Variants in RCAN1 observed in about 807,000 individuals in gnomAD.
RCAN1 encodes the protein calcipressin-1.
In RCAN1, 11 loss-of-function variants were observed where a neutral mutation model predicts 22.9. The observed-to-expected ratio is 0.48, with a 90% confidence interval of 0.30 to 0.79. The LOEUF is 0.79. RCAN1 is among the 30% of genes least tolerant of loss of function. The pLI, the probability that RCAN1 is intolerant of heterozygous loss-of-function variation, is 0.06. For missense variants in RCAN1, 291 were observed against 337.8 expected (o/e 0.86, Z 1.09); for synonymous variants, 136 against 142.3 (o/e 0.96, Z 0.32).
chr21:34,580,544 C>T (rs1167976910), intron 1 of RCAN1, among the ~76,000 whole-genome samples: 1 of 152,228 alleles, frequency 6.6e-6, no homozygotes, highest in African/African-American at 2.4e-5. Context: ...GAATGAGATG[C>T]TGCAACCCGA....
rs1555853490 is a variant in RCAN1 at position 34,519,397 on chromosome 21, C to CTTTCT, written c.587-1142_587-1141insAGAAA. ...CTTTTTTCTTTTTCTTTCTTTCTTT[C>CTTTCT]TTTTTTTTTTTTTTTTTTTTGAGAC... On this transcript the variant is annotated intron_variant, in intron 3 of 3. Transcript: ENST00000313806. Among the ~76,000 whole-genome samples, 241 of 102,784 alleles carry CTTTCT rather than the reference C, an allele frequency of 2.3e-3. 5 individuals carry two copies. Among genetic ancestry groups the CTTTCT allele is most frequent in the Admixed American group, 0.02 (177 of 8,950 alleles). The allele number at this position is 102,784 out of a possible 152,430, so 67.4% of individuals were successfully genotyped here.
intron 1 of RCAN1, among the ~76,000 whole-genome samples, chr21:34,610,907 GT>G (rs1304260043): frequency 2.0e-5 from 3 of 151,628 alleles, no homozygotes; most frequent in African/African-American, 2.4e-5. Context: ...AGTTGTTTTT[GT>G]TTTTTTTAGG....
intron 1 of RCAN1, among the ~76,000 whole-genome samples, chr21:34,586,785 T>C (rs1409588967): frequency 6.6e-6 from 1 of 152,148 alleles, no homozygotes; most frequent in African/African-American, 2.4e-5. Flanking sequence ...AAACCCTGTC[T>C]CTACTAAAAA....
chr21:34,543,756 C>A lies in RCAN1; in HGVS notation c.253-20046G>T, dbSNP rs149579291. Among the ~76,000 whole-genome samples the A allele has an allele frequency of 2.4e-3, 372 of 152,286 alleles. 1 individual carries two copies. Among genetic ancestry groups the A allele is most frequent in the African/African-American group, 8.4e-3 (350 of 41,556 alleles). On this transcript the variant is annotated intron_variant, in intron 1 of 3. Coordinates refer to ENST00000313806, the MANE Select transcript of RCAN1 (RefSeq NM_004414.7). ...GAGGGATGACATTTTCTTTTTAATC[C>A]TAGCATGTGAAGTGGCCAAAGCTCA...
chr21:34,542,365 C>T (rs767531097), intron 1 of RCAN1, among the ~76,000 whole-genome samples: 2 of 152,128 alleles, frequency 1.3e-5, no homozygotes, highest in Non-Finnish European at 2.9e-5. Context: ...CTTGTTCTCT[C>T]GGGGCACTTC....
chr21:34,613,829 CT>C, intron 1 of RCAN1: 2 of 1,482,602 alleles, frequency 1.3e-6, no homozygotes, highest in Non-Finnish European at 9.1e-7. Flanking sequence ...TGGCAGCAGC[CT>C]TCAACTATAG....
At chr21:34,557,174 C>T (rs1384957264) in intron 1 of RCAN1, among the ~76,000 whole-genome samples, 1 of 152,190 alleles carries the variant, frequency 6.6e-6, no homozygotes. Context: ...GATCACGCCA[C>T]TGCACTCCAG....
intron 1 of RCAN1, among the ~76,000 whole-genome samples, chr21:34,556,928 A>T (rs1203024475): frequency 6.6e-6 from 1 of 152,230 alleles, no homozygotes; most frequent in Non-Finnish European, 1.5e-5. Context: ...TAAAAGCTGT[A>T]AAAGGCTGGG....
intron 1 of RCAN1, among the ~76,000 whole-genome samples, chr21:34,569,856 C>T (rs1480274811): frequency 6.6e-6 from 1 of 152,180 alleles, no homozygotes; most frequent in Non-Finnish European, 1.5e-5. Flanking sequence ...AGACTTTGCC[C>T]AGGGACACTG....
chr21:34,593,246 C>G (rs558569543), intron 1 of RCAN1, among the ~76,000 whole-genome samples: 1 of 152,172 alleles, frequency 6.6e-6, no homozygotes, highest in Non-Finnish European at 1.5e-5. Context: ...TACTTTTCAT[C>G]AAAAATGTTC....
chr21:34,578,282 A>G (rs1388437347), intron 1 of RCAN1, among the ~76,000 whole-genome samples: 1 of 152,212 alleles, frequency 6.6e-6, no homozygotes, highest in African/African-American at 2.4e-5. Context: ...GAGGCAGGAC[A>G]TCATAACGCC....
intron 1 of RCAN1, among the ~76,000 whole-genome samples, chr21:34,601,340 T>G (rs948944604): frequency 3.9e-5 from 6 of 152,212 alleles, no homozygotes; most frequent in African/African-American, 1.2e-4. Context: ...GGTAGGAGCT[T>G]TTATAATCCC....
intron 1 of RCAN1, among the ~76,000 whole-genome samples, chr21:34,580,183 GCC>G (rs1987553830): frequency 1.4e-5 from 2 of 138,180 alleles, no homozygotes; most frequent in Admixed American, 1.4e-4. Context: ...GGGAAGTCAA[GCC>G]CAGCTTTAGA....
chr21:34,527,051 T>C, intron 1 of RCAN1: 1 of 994,102 alleles, frequency 1.0e-6, no homozygotes, highest in Non-Finnish European at 1.3e-6. Flanking sequence ...TTGGGGAGAA[T>C]GGAAAAAACA....
intron 1 of RCAN1, among the ~76,000 whole-genome samples, chr21:34,607,455 T>A (rs140026326): frequency 0.015 from 2,238 of 152,024 alleles, 62 homozygotes; most frequent in African/African-American, 0.052. Context: ...AGTGGCGCAA[T>A]CTCAGCTTAC....
At chr21:34,585,853 G>A (rs1257960105) in intron 1 of RCAN1, among the ~76,000 whole-genome samples, 1 of 151,632 alleles carries the variant, frequency 6.6e-6, no homozygotes, top group Non-Finnish European at 1.5e-5. Flanking sequence ...GAAATAGAAG[G>A]ATGGAAAAAT....
chr21:34,542,729 G>T (rs1181459753), intron 1 of RCAN1, among the ~76,000 whole-genome samples: 1 of 152,220 alleles, frequency 6.6e-6, no homozygotes, highest in Non-Finnish European at 1.5e-5. Flanking sequence ...AAGTGGCAAG[G>T]ATTGTAACTC....
chr21:34,520,618 G>A (rs924479320), intron 3 of RCAN1, among the ~76,000 whole-genome samples: 16 of 152,158 alleles, frequency 1.1e-4, no homozygotes. Context: ...AGGAGCTGAC[G>A]GTCTCAGCAT....
chr21:34,571,086 G>C (rs1987219161), intron 1 of RCAN1, among the ~76,000 whole-genome samples: 1 of 152,108 alleles, frequency 6.6e-6, no homozygotes, highest in Non-Finnish European at 1.5e-5. Context: ...CTGAAGTCGG[G>C]AGTTCGAGAC....
Sources: allele counts gnomAD v4.1 joint callset (sites outside exome capture counted in the v4.1 genomes callset), GRCh38; gene constraint gnomAD v4.1.1; transcripts MANE v1.5; gene names NCBI Gene and HGNC (gene_info 2026-07-23, HGNC 2026-07-21).